The following SEPTIN5 variants were observed in gnomAD, a reference collection of about 807,000 sequenced individuals.
SEPTIN5 encodes septin 5.
Under a neutral mutation model 51.2 loss-of-function variants are expected in SEPTIN5, and 16 were observed. That is an observed-to-expected ratio of 0.31 (90% CI 0.21 to 0.47). SEPTIN5 has a LOEUF of 0.47. Among genes scored for constraint, SEPTIN5 ranks in the 20% least tolerant of loss-of-function variants. SEPTIN5 has a pLI of 0.99. For missense variants in SEPTIN5, 376 were observed against 500.3 expected, an observed-to-expected ratio of 0.75 and a Z score of 2.37; for synonymous variants, 208 against 191.2, an observed-to-expected ratio of 1.09 and a Z score of -0.72.
intron 2 of SEPTIN5, chr22:19,719,288 C>T (rs1461384426): frequency 1.5e-5 from 5 of 323,482 alleles, no homozygotes; most frequent in South Asian, 4.6e-5. Flanking sequence ...ATCCTGCTGC[C>T]CTCTGCCCGA....
Position 19,722,555 on chromosome 22 carries a change from C to G in SEPTIN5, c.*71C>G. The G allele has an allele frequency of 6.7e-7, 1 of 1,501,268 alleles. No homozygotes were observed. The highest frequency in any genetic ancestry group is 1.2e-5 in the South Asian group (1 of 83,076). The allele number at this position is 1,501,268 out of a possible 1,614,324, so 93.0% of individuals were successfully genotyped here. A position where few individuals can be genotyped will look rare whatever the true frequency, so the allele number is the denominator to read the frequency against. ...CCTGGACACCAGACCGGACTGTTCCCGACCCGGAGACGCGGGGCCACAGCC... is the reference window on the plus strand; with the variant it reads ...CCTGGACACCAGACCGGACTGTTCCGGACCCGGAGACGCGGGGCCACAGCC... On this transcript the variant is annotated 3_prime_UTR_variant, in exon 12 of 12. Coordinates refer to ENST00000455784, the MANE Select transcript of SEPTIN5 (RefSeq NM_002688.6).
intron 2 of SEPTIN5, chr22:19,718,559 G>T: frequency 1.6e-6 from 2 of 1,287,878 alleles, no homozygotes; most frequent in African/African-American, 1.5e-5. Flanking sequence ...CTCGGGGGTC[G>T]ACGATCCCCC....
chr22:19,714,943 C>G lies in SEPTIN5; in HGVS notation c.54+152C>G, dbSNP rs746066182. ...CCGATTGTCAGCCGGGCAGTGCCGC[C>G]GCGCCTGGGGCTTCAGAGGAGAGGA... On this transcript the variant is annotated intron_variant, in intron 2 of 11. Transcript: ENST00000455784. This position sits in a 1 kb window ranked among gnomAD's most constrained non-coding sequence, Gnocchi z 5.2. 1.3e-5 allele frequency: 14 copies of G among 1,054,736 alleles called. No homozygotes were observed. Among genetic ancestry groups the G allele is most frequent in the Non-Finnish European group, 1.7e-5 (13 of 755,420 alleles). The allele number at this position is 1,054,736 out of a possible 1,614,324, so 65.3% of individuals were successfully genotyped here.
At chr22:19,718,969 T>G in intron 2 of SEPTIN5, 2 of 595,122 alleles carry the variant, frequency 3.4e-6, no homozygotes, top group Non-Finnish European at 2.3e-6. Context: ...GGCCCCACGG[T>G]GGGGCGACGT....
At chr22:19,717,710 GA>G in intron 2 of SEPTIN5, 1 of 264,274 alleles carries the variant, frequency 3.8e-6, no homozygotes, top group South Asian at 3.6e-5. Context: ...CTGGACTTCA[GA>G]AAAGGTGGGC....
intron 2 of SEPTIN5, chr22:19,718,063 G>C (rs1935943221): frequency 6.6e-6 from 1 of 152,292 alleles, no homozygotes; most frequent in African/African-American, 2.4e-5. Flanking sequence ...AGAAGACGGC[G>C]GGCCCTGAAC....
Position 19,714,826 on chromosome 22 carries a change from C to A in SEPTIN5, c.54+35C>A. The A allele has an allele frequency of 6.3e-7, 1 of 1,591,366 alleles. No homozygotes were observed. Among genetic ancestry groups the A allele is most frequent in the Non-Finnish European group, 8.5e-7 (1 of 1,175,324 alleles). ...CAGCGCCGCTCCCCCGCCGGGAGAC[C>A]CGGCCGGCTGTCACCCATTGTGACA... On this transcript the variant is annotated intron_variant, in intron 2 of 11. Coordinates refer to ENST00000455784, the MANE Select transcript of SEPTIN5 (RefSeq NM_002688.6). This position sits in a 1 kb window ranked among gnomAD's most constrained non-coding sequence, Gnocchi z 5.2.
At position 19,719,871 on chromosome 22, in the gene SEPTIN5, C is replaced by A. The variant is rs758259301; in HGVS notation, c.217C>A (p.Arg73=). 1 of 1,612,950 alleles carries A rather than the reference C, an allele frequency of 6.2e-7. No individual in the cohort carries two copies. The highest frequency in any genetic ancestry group is 1.3e-5 in the African/African-American group (1 of 75,042). Residue 73 remains arginine (R), a synonymous_variant, in exon 4 of 12, where the codon CGG becomes AGG. Coordinates refer to ENST00000455784, the MANE Select transcript of SEPTIN5 (RefSeq NM_002688.6). ...SLFLTDLYKD[R]KLLSAEERIS... ...CTTCCTGACAGACTTGTACAAGGAC[C>A]GGAAGCTGCTCAGTGCTGAGGGTGA...
At chr22:19,721,261 C>T (rs1334626048) in intron 8 of SEPTIN5, among the ~76,000 whole-genome samples, 1 of 152,200 alleles carries the variant, frequency 6.6e-6, no homozygotes, top group East Asian at 1.9e-4. Context: ...GCTTTGGGTG[C>T]CCCGGCAGCT....
At chr22:19,718,613 C>G (rs748204952) in intron 2 of SEPTIN5, 8 of 1,290,684 alleles carry the variant, frequency 6.2e-6, no homozygotes. Flanking sequence ...CCCGCGTCCG[C>G]AAAACGGGGT....
chr22:19,718,669 C>A, intron 2 of SEPTIN5: 1 of 1,286,898 alleles, frequency 7.8e-7, no homozygotes, highest in South Asian at 3.3e-5. Flanking sequence ...CCCTCGCTGT[C>A]GCCGGGCTCT....
At chr22:19,716,994 G>T (rs963822839) in intron 2 of SEPTIN5, among the ~76,000 whole-genome samples, 1 of 152,212 alleles carries the variant, frequency 6.6e-6, no homozygotes. Flanking sequence ...ACTGAGGGAT[G>T]CACTGGTAGA....
At position 19,714,816 on chromosome 22, in the gene SEPTIN5, G is replaced by T. The variant is rs750285484; in HGVS notation, c.54+25G>T. The T allele has an allele frequency of 6.3e-7, 1 of 1,580,470 alleles. No individual in the cohort carries two copies. The highest frequency in any genetic ancestry group is 2.3e-5 in the East Asian group (1 of 43,096). ...GGTACGTGCGCAGCGCCGCTCCCCC[G>T]CCGGGAGACCCGGCCGGCTGTCACC... On this transcript the variant is annotated intron_variant, in intron 2 of 11. Coordinates refer to ENST00000455784, the MANE Select transcript of SEPTIN5 (RefSeq NM_002688.6). The surrounding 1 kb of genome is among the most constrained non-coding windows in gnomAD (Gnocchi z 5.2).
At chr22:19,717,789 G>GAT in intron 2 of SEPTIN5, 1 of 228,920 alleles carries the variant, frequency 4.4e-6, no homozygotes, top group Non-Finnish European at 8.9e-6. Flanking sequence ...ACACACCCGC[G>GAT]CACACGCACA....
intron 2 of SEPTIN5, chr22:19,719,132 TCCGCCACCG>T (rs953596812): frequency 2.8e-5 from 7 of 254,518 alleles, no homozygotes; most frequent in African/African-American, 6.7e-5. Flanking sequence ...TAGGCGCTGC[TCCGCCACCG>T]CCGCTGCCGC....
Position 19,721,899 on chromosome 22 carries a change from G to T in SEPTIN5, c.892G>T (p.Val298Leu). The change falls in exon 10 of 12, where the codon GTG (valine) becomes TTG (leucine). Residue 298 changes from valine to leucine, a missense_variant. Transcript: ENST00000455784. Reference sequence around the variant, plus strand: ...CACGCATATGCACGACCTCAAGGACGTGACGTGCGACGTGCACTACGAGAA... The same window carrying T: ...CACGCATATGCACGACCTCAAGGACTTGACGTGCGACGTGCACTACGAGAA... ...IRTHMHDLKD[V>L]TCDVHYENYR... The T allele has an allele frequency of 7.4e-6, 12 of 1,612,030 alleles. No individual in the cohort carries two copies. Among genetic ancestry groups the T allele is most frequent in the Non-Finnish European group, 1.0e-5 (12 of 1,179,526 alleles).
chr22:19,714,530 C>T lies in SEPTIN5; in HGVS notation c.-59C>T, dbSNP rs1409126497. On this transcript the variant is annotated 5_prime_UTR_variant, in exon 1 of 12. Coordinates refer to ENST00000455784, the MANE Select transcript of SEPTIN5 (RefSeq NM_002688.6). This position sits in a 1 kb window ranked among gnomAD's most constrained non-coding sequence, Gnocchi z 5.2. ...CCCGCAGCCCGGCCTCGGCCTCCGC[C>T]GCTTGTCGTCGCGCCCCGCCCGCGA... The T allele has an allele frequency of 1.0e-5, 13 of 1,257,118 alleles. No individual in the cohort carries two copies. In the East Asian group the frequency reaches 3.7e-4, roughly 36 times the overall value. The allele number at this position is 1,257,118 out of a possible 1,614,324, so 77.9% of individuals were successfully genotyped here.
At chr22:19,722,073 C>G (rs911150986) in intron 10 of SEPTIN5, 116 bp downstream of exon 10, 48 of 1,311,652 alleles carry the variant, frequency 3.7e-5, no homozygotes, top group Non-Finnish European at 4.8e-5. Flanking sequence ...TTCCCTAAGC[C>G]CCCCCCCTCC....
chr22:19,719,772 C>T, intron 3 of SEPTIN5, 34 bp from the exon 4 acceptor site: 2 of 1,611,602 alleles, frequency 1.2e-6, no homozygotes, highest in Non-Finnish European at 1.7e-6. Flanking sequence ...GAGCCCCAGA[C>T]CTAACGCAGC....
Sources: gnomAD v4.1 joint callset for allele counts (sites outside exome capture counted in the v4.1 genomes callset) on GRCh38, gnomAD v4.1.1 for gene constraint, Gnocchi (gnomAD v3.1) non-coding constraint, MANE v1.5 for transcripts, NCBI Gene and HGNC (gene_info 2026-07-23, HGNC 2026-07-21) for gene names.